NPIPB7: variants seen among roughly 807,000 people sequenced by gnomAD.
The protein encoded by NPIPB7 is nuclear pore complex interacting protein family member B7.
For missense variants in NPIPB7, 14 were observed against 238.5 expected, an observed-to-expected ratio of 0.06 and a Z score of 6.20; for synonymous variants, 9 against 88.1, an observed-to-expected ratio of 0.10 and a Z score of 5.03.
At chr16:28,463,569 A>G (rs903405417) in intron 2 of NPIPB7, among the ~76,000 whole-genome samples, 5 of 144,668 alleles carry the variant, frequency 3.5e-5, no homozygotes, top group African/African-American at 1.3e-4. Flanking sequence ...TCTGCTAAAA[A>G]TACAAAATTA....
chr16:28,462,132 A>C (rs1258723812), intron 4 of NPIPB7, among the ~76,000 whole-genome samples: 146 of 150,356 alleles, frequency 9.7e-4, no homozygotes, highest in African/African-American at 3.3e-3. Context: ...TTAAAAAAAA[A>C]AAAAAGGCTG....
At position 28,459,027 on chromosome 16, in the gene NPIPB7, GAAAAACAAAAAC is replaced by G. The variant is rs998324493; in HGVS notation, c.546-448_546-437del. Among the ~76,000 whole-genome samples, 12 of 115,900 alleles carry G rather than the reference GAAAAACAAAAAC, an allele frequency of 1.0e-4. No individual in the cohort carries two copies. The South Asian group carries it at 2.0e-3, about 19-fold the overall frequency. 76.0% of individuals were successfully genotyped at this position (115,900 alleles called of 152,430 possible). On this transcript the variant is annotated intron_variant, in intron 4 of 6. Transcript: ENST00000452313. ...GGTGACACAGCGAGACGCCATCTCAGAAAAACAAAAACAAAAACAAAAACAAAAAAACTGTAC... is the reference window on the plus strand; with the variant it reads ...GGTGACACAGCGAGACGCCATCTCAGAAAAACAAAAACAAAAAAACTGTAC...
At chr16:28,469,791 C>G (rs972704253) in intron 1 of NPIPB7, 2 of 353,144 alleles carry the variant, frequency 5.7e-6, no homozygotes, top group African/African-American at 2.2e-5. Context: ...TGGAGACTAT[C>G]CTGGCGAACA....
chr16:28,462,245 C>A (rs1410309556), intron 4 of NPIPB7, among the ~76,000 whole-genome samples: 1 of 147,936 alleles, frequency 6.8e-6, no homozygotes, highest in African/African-American at 2.5e-5. Context: ...CATGGTGAAA[C>A]CCCATCTCTA....
intron 2 of NPIPB7, among the ~76,000 whole-genome samples, chr16:28,463,727 C>CAA (rs1199745082): frequency 0.022 from 321 of 14,920 alleles, 4 homozygotes; most frequent in Non-Finnish European, 0.027. Context: ...AACTCTGTCT[C>CAA]AAAAAAAAAA....
chr16:28,461,731 T>A (rs1343867973), intron 4 of NPIPB7, among the ~76,000 whole-genome samples: 1 of 148,964 alleles, frequency 6.7e-6, no homozygotes, highest in Non-Finnish European at 1.5e-5. Context: ...GTGTGGATCA[T>A]GATGTCCAGA....
intron 1 of NPIPB7, among the ~76,000 whole-genome samples, chr16:28,468,485 CAAAT>C (rs2045918835): frequency 6.7e-6 from 1 of 149,076 alleles, no homozygotes; most frequent in Non-Finnish European, 1.5e-5. Flanking sequence ...ACTTCATTCA[CAAAT>C]AAGTATCAAA....
At position 28,461,947 on chromosome 16, in the gene NPIPB7, CAAAAAAAAAA is replaced by C. The variant is rs56100146; in HGVS notation, c.545+717_545+726del. Among the ~76,000 whole-genome samples, 5 of 90,456 alleles carry C rather than the reference CAAAAAAAAAA, an allele frequency of 5.5e-5. No individual in the cohort carries two copies. In the South Asian group the frequency reaches 2.2e-3, roughly 40 times the overall value. The allele number at this position is 90,456 out of a possible 152,430, so 59.3% of individuals were successfully genotyped here. On this transcript the variant is annotated intron_variant, in intron 4 of 6. Coordinates refer to ENST00000452313, the Ensembl canonical transcript of NPIPB7. ...TGGGTGACAGAGTGAGACTCTGTCT[CAAAAAAAAAA>C]AAAAAAAAAAAAATTGGCCGAATGT...
intron 2 of NPIPB7, among the ~76,000 whole-genome samples, chr16:28,463,355 T>C (rs1271196565): frequency 2.8e-3 from 354 of 125,162 alleles, no homozygotes; most frequent in East Asian, 4.5e-3. Flanking sequence ...CACACCACTG[T>C]ACTCCAGCCT....
intron 1 of NPIPB7, among the ~76,000 whole-genome samples, chr16:28,468,364 A>G (rs1283461212): frequency 7.2e-6 from 1 of 139,620 alleles, no homozygotes; most frequent in Non-Finnish European, 1.6e-5. Context: ...CATTTATTAT[A>G]TATCACATGG....
upstream of NPIPB7, among the ~76,000 whole-genome samples, chr16:28,472,237 A>G (rs920800043): frequency 6.6e-6 from 1 of 152,040 alleles, no homozygotes; most frequent in Non-Finnish European, 1.5e-5. Flanking sequence ...ACATAGTGAG[A>G]CACCGTCTCT....
chr16:28,467,298 G>A (rs1235457573), intron 1 of NPIPB7, among the ~76,000 whole-genome samples: 69 of 74,420 alleles, frequency 9.3e-4, no homozygotes, highest in African/African-American at 2.7e-3. Flanking sequence ...CCACTCAGTC[G>A]CCCAGGCTGG....
chr16:28,462,123 TA>T (rs143188114), intron 4 of NPIPB7, among the ~76,000 whole-genome samples: 51,053 of 139,684 alleles, frequency 0.37, 5,434 homozygotes, highest in Non-Finnish European at 0.41. Flanking sequence ...TCTCAAAATT[TA>T]AAAAAAAAAA....
chr16:28,462,113 T>A (rs1457005906), intron 4 of NPIPB7, among the ~76,000 whole-genome samples: 1 of 140,236 alleles, frequency 7.1e-6, no homozygotes, highest in Non-Finnish European at 1.5e-5. Flanking sequence ...CGAGATTCTA[T>A]CTCAAAATTT....
chr16:28,461,942 T>G (rs532468202), intron 4 of NPIPB7, among the ~76,000 whole-genome samples: 1 of 124,330 alleles, frequency 8.0e-6, no homozygotes, highest in Admixed American at 8.4e-5. Flanking sequence ...AGTGAGACTC[T>G]GTCTCAAAAA....
chr16:28,463,636 GAATCACTT>G (rs1256424420), intron 2 of NPIPB7, among the ~76,000 whole-genome samples: 3 of 132,838 alleles, frequency 2.3e-5, no homozygotes, highest in Non-Finnish European at 4.8e-5. Flanking sequence ...TGAGGCAGGA[GAATCACTT>G]GAACCCAGCA....
chr16:28,470,813 G>A (rs1471015047), upstream of NPIPB7, among the ~76,000 whole-genome samples: 4 of 144,068 alleles, frequency 2.8e-5, no homozygotes, highest in East Asian at 8.7e-4. Context: ...AGAAGATCAG[G>A]GAAGCAACAG....
upstream of NPIPB7, chr16:28,470,672 G>A (rs1304901652): frequency 7.7e-6 from 4 of 518,608 alleles, no homozygotes; most frequent in African/African-American, 3.8e-5. Context: ...GTAAGGGAAG[G>A]GAAAGGAGGA....
chr16:28,461,669 G>T (rs1239292192), intron 4 of NPIPB7, among the ~76,000 whole-genome samples: 3 of 150,672 alleles, frequency 2.0e-5, no homozygotes, highest in South Asian at 2.1e-4. Context: ...CAAAAATTGG[G>T]CCAGGCACGG....
Sources: allele counts gnomAD v4.1 joint callset (sites outside exome capture counted in the v4.1 genomes callset), GRCh38; gene constraint gnomAD v4.1.1; transcripts MANE v1.5; gene names NCBI Gene and HGNC (gene_info 2026-07-23, HGNC 2026-07-21).